The following ASCC3 variants were observed in gnomAD, a reference collection of about 807,000 sequenced individuals.
The protein encoded by ASCC3 is activating signal cointegrator 1 complex subunit 3.
ASCC3 carries 158 observed loss-of-function variants against 256.3 expected under a neutral mutation model. The observed-to-expected ratio is 0.62, with a 90% CI of 0.54 to 0.70. ASCC3 has a LOEUF of 0.70. Among genes scored for constraint, ASCC3 ranks in the 30% least tolerant of loss-of-function variants. The pLI is 0.00. For missense variants in ASCC3, 2,259 were observed against 2,626.0 expected (o/e 0.86, Z 3.05); for synonymous variants, 948 against 883.4 (o/e 1.07, Z -1.30).
At chr6:100,530,008 G>C (rs1040637947) in intron 37 of ASCC3, among the ~76,000 whole-genome samples, 8 of 149,198 alleles carry the variant, frequency 5.4e-5, no homozygotes, top group Admixed American at 4.7e-4. Context: ...TTTCTTTTTT[G>C]GTAGGAGGTA....
In ASCC3 at chr6:100,628,093, A is replaced by AC. The variant is rs567107364; in HGVS notation, c.4376-107_4376-106insG. 1.1e-4 allele frequency: 121 copies of AC among 1,139,316 alleles called. 3 individuals are homozygous for AC. The African/African-American group carries it at 1.7e-3, about 16-fold the overall frequency. 70.6% of individuals were successfully genotyped at this position (1,139,316 alleles called of 1,614,324 possible). On this transcript the variant is annotated intron_variant, in intron 27 of 41. Transcript: ENST00000369162. ...GTAGCTTCCTCAAAAAACAAAAACA[A>AC]AAAAAAAAACAAAAAAAAAGCTAAA...
At chr6:100,566,595 C>A (rs918049474) in intron 36 of ASCC3, among the ~76,000 whole-genome samples, 10 of 152,180 alleles carry the variant, frequency 6.6e-5, no homozygotes, top group Admixed American at 5.2e-4. Flanking sequence ...AACACTGTAT[C>A]TTCTATTACA....
At chr6:100,537,558 TA>T (rs1775222753) in intron 37 of ASCC3, among the ~76,000 whole-genome samples, 1 of 152,152 alleles carries the variant, frequency 6.6e-6, no homozygotes, top group African/African-American at 2.4e-5. Context: ...ATGTTACCTT[TA>T]GGGGAGGCTG....
intron 4 of ASCC3, among the ~76,000 whole-genome samples, chr6:100,824,769 T>A (rs1256758602): frequency 6.6e-6 from 1 of 152,192 alleles, no homozygotes; most frequent in Admixed American, 6.5e-5. Context: ...ATTTAAGAAG[T>A]ATTAGAGGTA....
At chr6:100,579,119 C>T (rs564398176) in intron 36 of ASCC3, among the ~76,000 whole-genome samples, 8 of 150,362 alleles carry the variant, frequency 5.3e-5, no homozygotes, top group African/African-American at 1.9e-4. Context: ...GTTGGTCACA[C>T]GTATATCTTC....
rs766862999 is a variant in ASCC3, at chr6:100,766,646, T to C, written c.1656A>G (p.Arg552=). The C allele has an allele frequency of 3.1e-6, 5 of 1,613,956 alleles. No homozygotes were observed. Among genetic ancestry groups the C allele is most frequent in the African/African-American group, 1.3e-5 (1 of 74,928 alleles). ...LAAEMTDYFS[R]RLEPLGIIVK... is the part of the protein sequence containing the mutation. ...CAATGATGCCTAGTGGCTCTAGACG[T>C]CTGCTGAAGTAATCTGTCATTTCAG... Residue 552 remains arginine, a synonymous_variant, in exon 10 of 42, where the codon AGA becomes AGG. Transcript: ENST00000369162.
At chr6:100,629,210 A>G in intron 26 of ASCC3, 29 bp from the exon 27 acceptor site, 1 of 1,606,916 alleles carries the variant, frequency 6.2e-7, no homozygotes, top group East Asian at 2.2e-5. Flanking sequence ...ATGATCCCAG[A>G]AACTTTTCAG....
chr6:100,636,256 C>T (rs990941019), intron 25 of ASCC3, among the ~76,000 whole-genome samples: 2 of 152,048 alleles, frequency 1.3e-5, no homozygotes, highest in Admixed American at 1.3e-4. Flanking sequence ...GGTAATTCTA[C>T]CAATATTTCT....
rs556062255 is a variant in ASCC3 at position 100,509,987 on chromosome 6, T to C, written c.6406A>G (p.Ile2136Val). The change falls in exon 41 of 42, where the codon ATT (isoleucine) becomes GTT (valine). Residue 2136 changes from isoleucine (I) to valine (V), a missense_variant. Coordinates refer to ENST00000369162, the MANE Select transcript of ASCC3 (RefSeq NM_006828.4). ...ELIALKRVGY[I>V]RNHHVASLSF... ...AGGGAAGCAACATGATGATTTCGAA[T>C]ATATCCTACTCTTTTCAAAGCAATA... is the stretch of plus-strand genomic sequence containing the variant. 5.6e-5 allele frequency: 90 copies of C among 1,614,018 alleles called. No homozygotes were observed. The highest frequency in any genetic ancestry group is 7.0e-5 in the Non-Finnish European group (83 of 1,179,942).
intron 37 of ASCC3, among the ~76,000 whole-genome samples, chr6:100,532,412 T>A (rs2398131): frequency 0.021 from 2,189 of 103,766 alleles, 13 homozygotes; most frequent in East Asian, 0.067. Flanking sequence ...ATATATTTTT[T>A]TTTTTTTTTT....
intron 10 of ASCC3, among the ~76,000 whole-genome samples, chr6:100,765,463 C>G (rs1781609101): frequency 6.6e-6 from 1 of 152,102 alleles, no homozygotes; most frequent in Admixed American, 6.5e-5. Context: ...ATGATAAAAC[C>G]TTGGTCTCCA....
intron 8 of ASCC3, among the ~76,000 whole-genome samples, chr6:100,784,054 T>C (rs2114270831): frequency 6.6e-6 from 1 of 152,302 alleles, no homozygotes; most frequent in South Asian, 2.1e-4. Flanking sequence ...GACACCAAAG[T>C]CTAAATTAAA....
chr6:100,783,543 T>A lies in ASCC3; in HGVS notation c.1395+15170A>T, dbSNP rs9498375. 4.8e-3 allele frequency among the ~76,000 whole-genome samples: 737 copies of A among 152,292 alleles called. 9 individuals are homozygous for A. The highest frequency in any genetic ancestry group is 0.017 in the African/African-American group (714 of 41,576). On this transcript the variant is annotated intron_variant, in intron 8 of 41. Transcript: ENST00000369162. ...CGTGGTCTGTCCTCAAGAGCTCACA[T>A]TGCAGCAGATGAATCTAGACTACCA...
chr6:100,612,003 T>G (rs913244061), intron 30 of ASCC3, among the ~76,000 whole-genome samples: 16 of 152,018 alleles, frequency 1.1e-4, no homozygotes, highest in African/African-American at 3.9e-4. Context: ...TCTGACCACC[T>G]GATTGTTAAA....
intron 10 of ASCC3, among the ~76,000 whole-genome samples, chr6:100,757,610 C>G (rs1181977588): frequency 2.0e-5 from 3 of 152,062 alleles, no homozygotes; most frequent in Non-Finnish European, 2.9e-5. Context: ...ATTTGACTAT[C>G]TTATAATTTT....
rs560919303 is a variant in ASCC3 at position 100,858,568 on chromosome 6, A to C, written c.241+5496T>G. On this transcript the variant is annotated intron_variant, in intron 3 of 41. Transcript: ENST00000369162. ...ATGCTTTTTCTCTACTGAATCATGTAATTTTTAAACCTTTATTACTTTACA... is the reference window on the plus strand; with the variant it reads ...ATGCTTTTTCTCTACTGAATCATGTCATTTTTAAACCTTTATTACTTTACA... 4.3e-5 allele frequency: 42 copies of C among 984,398 alleles called. No homozygotes were observed. In the Admixed American group the frequency reaches 6.1e-4, roughly 14 times the overall value. 61.0% of individuals were successfully genotyped at this position (984,398 alleles called of 1,614,324 possible). A position where few individuals can be genotyped will look rare whatever the true frequency, so the allele number is the denominator to read the frequency against.
At chr6:100,621,881 A>T (rs539220271) in intron 30 of ASCC3, among the ~76,000 whole-genome samples, 1 of 152,344 alleles carries the variant, frequency 6.6e-6, no homozygotes, top group East Asian at 1.9e-4. Flanking sequence ...AATGTGGTAC[A>T]TATATACCAT....
chr6:100,544,591 CA>C (rs559121816), intron 36 of ASCC3, among the ~76,000 whole-genome samples: 33 of 148,344 alleles, frequency 2.2e-4, no homozygotes, highest in Non-Finnish European at 3.3e-4. Flanking sequence ...CCTTGAAAGA[CA>C]AAAAAAAAGA....
chr6:100,620,386 C>G (rs538122425), intron 30 of ASCC3, among the ~76,000 whole-genome samples: 2 of 152,212 alleles, frequency 1.3e-5, no homozygotes, highest in South Asian at 4.1e-4. Flanking sequence ...AACTTTACAT[C>G]AATGATACAC....
Sources: allele counts gnomAD v4.1 joint callset (sites outside exome capture counted in the v4.1 genomes callset), GRCh38; gene constraint gnomAD v4.1.1; transcripts MANE v1.5; gene names NCBI Gene and HGNC (gene_info 2026-07-23, HGNC 2026-07-21).